Variants in BNC2 observed in about 807,000 individuals in gnomAD.
The protein encoded by BNC2 is basonuclin zinc finger protein 2.
BNC2 carries 20 observed loss-of-function variants against 76.3 expected under a neutral mutation model. The observed-to-expected ratio is 0.26, with a 90% confidence interval of 0.18 to 0.38. BNC2 has a LOEUF of 0.38. BNC2 is among the 10% of genes least tolerant of loss of function. The pLI is 1.00. For missense variants in BNC2, 1,382 were observed against 1,399.8 expected, an observed-to-expected ratio of 0.99 and a Z score of 0.20; for synonymous variants, 582 against 514.8, an observed-to-expected ratio of 1.13 and a Z score of -1.77.
chr9:16,665,037 G>C (rs976575298), intron 3 of BNC2: 1 of 456,340 alleles, frequency 2.2e-6, no homozygotes, highest in South Asian at 1.5e-5. Flanking sequence ...AACTAGACCT[G>C]TAACTTCTTT....
At chr9:16,737,692 G>A (rs1204340465) in intron 2 of BNC2, among the ~76,000 whole-genome samples, 2 of 152,016 alleles carry the variant, frequency 1.3e-5, no homozygotes, top group East Asian at 1.9e-4. Context: ...CAGAGCAAAT[G>A]TTCATGAACT....
chr9:16,702,459 T>C (rs1823541942), intron 3 of BNC2, among the ~76,000 whole-genome samples: 3 of 149,854 alleles, frequency 2.0e-5, no homozygotes, highest in Admixed American at 6.7e-5. Flanking sequence ...CACTCTGACA[T>C]CCACAAAGAT....
intron 5 of BNC2, among the ~76,000 whole-genome samples, chr9:16,438,308 A>T (rs1364645605): frequency 6.6e-6 from 1 of 152,224 alleles, no homozygotes; most frequent in Non-Finnish European, 1.5e-5. Context: ...ATAGATATTT[A>T]AAAAGTAAAC....
intron 3 of BNC2, among the ~76,000 whole-genome samples, chr9:16,621,382 C>T (rs978622969): frequency 2.7e-4 from 41 of 152,070 alleles, no homozygotes; most frequent in African/African-American, 9.7e-4. Context: ...AAAACTGAGA[C>T]AGTATGGCTT....
intron 3 of BNC2, among the ~76,000 whole-genome samples, chr9:16,611,232 C>T (rs1352250702): frequency 2.0e-5 from 3 of 152,162 alleles, no homozygotes; most frequent in Non-Finnish European, 4.4e-5. Context: ...CGCTATCAAT[C>T]GTCCTGCCAG....
At chr9:16,778,630 C>A (rs1641666335) in intron 1 of BNC2, among the ~76,000 whole-genome samples, 1 of 152,206 alleles carries the variant, frequency 6.6e-6, no homozygotes, top group African/African-American at 2.4e-5. Context: ...AACAAGCACA[C>A]TTCTAGTGCA....
chr9:16,779,191 C>G (rs2135530654), intron 1 of BNC2, among the ~76,000 whole-genome samples: 1 of 147,264 alleles, frequency 6.8e-6, no homozygotes, highest in African/African-American at 2.5e-5. Flanking sequence ...GTAATTCCAG[C>G]TACTAAGGAG....
intron 4 of BNC2, among the ~76,000 whole-genome samples, chr9:16,553,736 G>C (rs944680472): frequency 6.6e-6 from 1 of 152,104 alleles, no homozygotes; most frequent in African/African-American, 2.4e-5. Flanking sequence ...TAGAACTAAA[G>C]GCCAAAATAA....
At position 16,582,812 on chromosome 9, in the gene BNC2, A is replaced by C. The variant is rs574732122; in HGVS notation, c.433+171T>G. 2.6e-5 allele frequency among the ~76,000 whole-genome samples: 4 copies of C among 152,182 alleles called. No homozygotes were observed. The East Asian group carries it at 7.7e-4, about 29-fold the overall frequency. Reference sequence around the variant, plus strand: ...CTTGGAGCTGAGAATATGCTGTTTTAGAGCCGCAGGCTGAATCTTAACTAA... The same window carrying C: ...CTTGGAGCTGAGAATATGCTGTTTTCGAGCCGCAGGCTGAATCTTAACTAA... On this transcript the variant is annotated intron_variant, in intron 4 of 6. Transcript: ENST00000380672.
intron 3 of BNC2, among the ~76,000 whole-genome samples, chr9:16,607,301 G>C (rs1352752454): frequency 1.3e-5 from 2 of 151,756 alleles, no homozygotes; most frequent in Admixed American, 1.3e-4. Context: ...CTCAGAGAAA[G>C]AAAAAAACAG....
intron 3 of BNC2, among the ~76,000 whole-genome samples, chr9:16,696,242 T>C (rs929720831): frequency 6.6e-6 from 1 of 152,170 alleles, no homozygotes; most frequent in Non-Finnish European, 1.5e-5. Context: ...CCAATTACAG[T>C]TCTTTCCAGG....
At chr9:16,769,890 T>G (rs1445493526) in intron 1 of BNC2, among the ~76,000 whole-genome samples, 1 of 152,168 alleles carries the variant, frequency 6.6e-6, no homozygotes, top group Admixed American at 6.5e-5. Flanking sequence ...TGTGGCATTT[T>G]CAGGCTCTAA....
At chr9:16,522,597 G>C (rs1363924978) in intron 5 of BNC2, among the ~76,000 whole-genome samples, 1 of 152,148 alleles carries the variant, frequency 6.6e-6, no homozygotes. Context: ...AACCTGAACA[G>C]TGGGAGCCAA....
chr9:16,836,228 C>G (rs1818703256), intron 1 of BNC2, among the ~76,000 whole-genome samples: 1 of 152,038 alleles, frequency 6.6e-6, no homozygotes, highest in South Asian at 2.1e-4. Flanking sequence ...CTTTGTGGGC[C>G]AAGTCTATGG....
chr9:16,703,118 T>C (rs1823563858), intron 3 of BNC2, among the ~76,000 whole-genome samples: 1 of 152,202 alleles, frequency 6.6e-6, no homozygotes, highest in Non-Finnish European at 1.5e-5. Context: ...CCTCTTGGAT[T>C]ATGAAAGGAA....
intron 3 of BNC2, among the ~76,000 whole-genome samples, chr9:16,683,539 A>C (rs1349472011): frequency 6.6e-6 from 1 of 152,190 alleles, no homozygotes; most frequent in East Asian, 1.9e-4. Context: ...CAAGTCCTAT[A>C]GTGAGCTCCC....
chr9:16,551,278 C>T (rs1267738068), intron 5 of BNC2, among the ~76,000 whole-genome samples: 1 of 152,176 alleles, frequency 6.6e-6, no homozygotes, highest in Non-Finnish European at 1.5e-5. Context: ...GTTATTCCAA[C>T]TCCCTTCCCT....
intron 5 of BNC2, among the ~76,000 whole-genome samples, chr9:16,549,970 A>C (rs1818609537): frequency 1.3e-5 from 2 of 152,024 alleles, no homozygotes; most frequent in Admixed American, 6.5e-5. Flanking sequence ...ATTATATTAA[A>C]TTTGAGACTG....
chr9:16,709,603 A>T (rs1823775741), intron 3 of BNC2, among the ~76,000 whole-genome samples: 1 of 152,214 alleles, frequency 6.6e-6, no homozygotes, highest in Admixed American at 6.5e-5. Context: ...TTTCTTTCTC[A>T]AGAAAAACCT....
Sources: gnomAD v4.1 joint callset for allele counts (sites outside exome capture counted in the v4.1 genomes callset) on GRCh38, gnomAD v4.1.1 for gene constraint, MANE v1.5 for transcripts, NCBI Gene and HGNC (gene_info 2026-07-23, HGNC 2026-07-21) for gene names.